ARAP2: variants seen among roughly 807,000 people sequenced by gnomAD.
The protein encoded by ARAP2 is arf-GAP with Rho-GAP domain, ANK repeat and PH domain-containing protein 2.
A neutral mutation model predicts 194.5 loss-of-function variants in ARAP2; 148 were observed. The ratio of observed to expected loss-of-function variants is 0.76; its 90% confidence interval spans 0.67 to 0.87. ARAP2 has a LOEUF of 0.87. ARAP2 is among the 40% of genes least tolerant of loss of function. The pLI is 0.00. For missense variants in ARAP2, 2,128 were observed against 1,989.7 expected (o/e 1.07, Z -1.32); for synonymous variants, 695 against 683.5 (o/e 1.02, Z -0.26).
At chr4:36,188,936 T>A (rs1162884676) in intron 7 of ARAP2, among the ~76,000 whole-genome samples, 1 of 152,214 alleles carries the variant, frequency 6.6e-6, no homozygotes, top group African/African-American at 2.4e-5. Context: ...CATGGCATTA[T>A]CTCTGAGTAT....
rs376836320 is a variant in ARAP2 at position 36,113,241 on chromosome 4, G to A, written c.4156+929C>T. ...TCTGTGCACGAGGAGGATTGAGACCGATTGAGGGAGACACTGTGAACTGAC... is the reference window on the plus strand; with the variant it reads ...TCTGTGCACGAGGAGGATTGAGACCAATTGAGGGAGACACTGTGAACTGAC... On this transcript the variant is annotated intron_variant, in intron 26 of 32. Coordinates refer to ENST00000303965, the MANE Select transcript of ARAP2 (RefSeq NM_015230.4). Among the ~76,000 whole-genome samples, 191 of 152,000 alleles carry A rather than the reference G, an allele frequency of 1.3e-3. 4 individuals are homozygous for A. In the South Asian group the frequency reaches 0.038, roughly 30 times the overall value.
intron 9 of ARAP2, among the ~76,000 whole-genome samples, chr4:36,174,174 A>G (rs1017403205): frequency 6.6e-6 from 1 of 152,226 alleles, no homozygotes; most frequent in East Asian, 1.9e-4. Context: ...ATCCAGAAAC[A>G]TGGTCACTAC....
In ARAP2 at chr4:36,166,944, T is replaced by A. The variant is rs929537856; in HGVS notation, c.1961A>T (p.Tyr654Phe). ...VKQSFEIITP[Y>F]RSFSFTAETE... ...AAAAATAGCTTACCTGAAACTCCTGTAGGGAGTGATTATTTCAAAAGATTG... is the reference window on the plus strand; with the variant it reads ...AAAAATAGCTTACCTGAAACTCCTGAAGGGAGTGATTATTTCAAAAGATTG... Residue 654 changes from tyrosine to phenylalanine, a missense_variant, in exon 10 of 33, where the codon TAC (tyrosine) becomes TTC (phenylalanine). By Grantham distance (22) the Tyr-to-Phe change is conservative. Coordinates refer to ENST00000303965, the MANE Select transcript of ARAP2 (RefSeq NM_015230.4). 5.6e-6 allele frequency: 9 copies of A among 1,594,326 alleles called. No individual in the cohort carries two copies. The highest frequency in any genetic ancestry group is 7.7e-6 in the Non-Finnish European group (9 of 1,170,558).
At chr4:36,172,755 G>A (rs1316101966) in intron 9 of ARAP2, among the ~76,000 whole-genome samples, 1 of 152,140 alleles carries the variant, frequency 6.6e-6, no homozygotes, top group African/African-American at 2.4e-5. Context: ...TCCATGCCAG[G>A]AATTTAAGAA....
At chr4:36,154,967 G>A (rs1731896784) in intron 15 of ARAP2, among the ~76,000 whole-genome samples, 1 of 152,208 alleles carries the variant, frequency 6.6e-6, no homozygotes, top group South Asian at 2.1e-4. Flanking sequence ...AAAATCAGAA[G>A]TTTTTCTGGA....
intron 1 of ARAP2, among the ~76,000 whole-genome samples, chr4:36,060,027 G>A (rs1270611409): frequency 6.6e-6 from 1 of 152,154 alleles, no homozygotes; most frequent in Non-Finnish European, 1.5e-5. Flanking sequence ...GGCAATAGTA[G>A]AGGGGAAGAT....
At chr4:36,165,963 T>C (rs1735196101) in intron 10 of ARAP2, among the ~76,000 whole-genome samples, 1 of 152,190 alleles carries the variant, frequency 6.6e-6, no homozygotes, top group African/African-American at 2.4e-5. Flanking sequence ...TTATACTTTT[T>C]GAAGCTCTTT....
intron 6 of ARAP2, among the ~76,000 whole-genome samples, chr4:36,016,407 C>A (rs746983155): frequency 1.3e-5 from 2 of 152,182 alleles, no homozygotes; most frequent in Non-Finnish European, 2.9e-5. Context: ...TAATATATAT[C>A]TAAAGCATTT....
At chr4:36,167,553 T>A (rs1457574853) in intron 9 of ARAP2, among the ~76,000 whole-genome samples, 1 of 152,190 alleles carries the variant, frequency 6.6e-6, no homozygotes, top group Non-Finnish European at 1.5e-5. Context: ...CTTGTTTTAC[T>A]ATCTTAGATT....
At chr4:36,017,293 T>C (rs1715997288) in intron 6 of ARAP2, among the ~76,000 whole-genome samples, 1 of 151,822 alleles carries the variant, frequency 6.6e-6, no homozygotes, top group Non-Finnish European at 1.5e-5. Flanking sequence ...GAGCCTCCTG[T>C]ATGCCAATCA....
intron 5 of ARAP2, among the ~76,000 whole-genome samples, chr4:36,042,106 G>A (rs1180443089): frequency 6.6e-6 from 1 of 152,122 alleles, no homozygotes; most frequent in East Asian, 1.9e-4. Flanking sequence ...GAAATAATAT[G>A]TATGACAAGC....
chr4:36,208,844 G>T (rs1746124376), intron 6 of ARAP2, among the ~76,000 whole-genome samples: 1 of 151,300 alleles, frequency 6.6e-6, no homozygotes, highest in Non-Finnish European at 1.5e-5. Context: ...GGGGTGGGGG[G>T]AGCTTTAGGA....
chr4:36,210,491 T>C lies in ARAP2; in HGVS notation c.1386A>G (p.Ser462=). 1.2e-6 allele frequency: 2 copies of C among 1,613,988 alleles called. No individual in the cohort carries two copies. Among genetic ancestry groups the C allele is most frequent in the Non-Finnish European group, 1.7e-6 (2 of 1,179,872 alleles). Residue 462 remains serine (S), a synonymous_variant, in exon 6 of 33, where the codon TCA becomes TCG. Transcript: ENST00000303965. ...PLSSTSGNAD[S]SAVSSQAISP... Reference sequence around the variant, plus strand: ...ATATTGCCTGTGAAGAAACGGCTGATGAATCAGCATTTCCACTTGTTGAGC... The same window carrying C: ...ATATTGCCTGTGAAGAAACGGCTGACGAATCAGCATTTCCACTTGTTGAGC...
intron 31 of ARAP2, among the ~76,000 whole-genome samples, chr4:36,079,146 C>A (rs1216971033): frequency 1.4e-5 from 2 of 140,188 alleles, no homozygotes; most frequent in East Asian, 4.1e-4. Flanking sequence ...TGCACTCCAG[C>A]CTGGGCAACA....
rs1212679768 is a variant in ARAP2 at position 36,075,327 on chromosome 4, TAA to T, written c.4609-1506_4609-1505del. Among the ~76,000 whole-genome samples the T allele has an allele frequency of 6.6e-5, 10 of 152,272 alleles. No homozygotes were observed. In the East Asian group the frequency reaches 1.9e-3, roughly 29 times the overall value. ...CCAGCTAACTCTCCTTGAATTGAAC[TAA>T]GAGGCATTTTTTTCTACTTTACATC... is the stretch of plus-strand genomic sequence containing the variant. On this transcript the variant is annotated intron_variant, in intron 31 of 32. Transcript: ENST00000303965.
intron 21 of ARAP2, among the ~76,000 whole-genome samples, chr4:36,125,459 A>G (rs1456203469): frequency 6.6e-6 from 1 of 152,010 alleles, no homozygotes; most frequent in African/African-American, 2.4e-5. Context: ...ACTATCCTGG[A>G]ACTATGAACT....
intron 3 of ARAP2, among the ~76,000 whole-genome samples, chr4:36,047,456 T>C (rs916989475): frequency 6.6e-6 from 1 of 152,236 alleles, no homozygotes; most frequent in African/African-American, 2.4e-5. Flanking sequence ...TCTAATTATC[T>C]GGTCTTTTCA....
intron 24 of ARAP2, among the ~76,000 whole-genome samples, chr4:36,118,057 T>C (rs1721789211): frequency 6.6e-6 from 1 of 151,242 alleles, no homozygotes; most frequent in Non-Finnish European, 1.5e-5. Flanking sequence ...ATCTAATGAG[T>C]AAACTTGTGG....
At chr4:36,198,263 G>A (rs1743580059) in intron 6 of ARAP2, among the ~76,000 whole-genome samples, 1 of 152,188 alleles carries the variant, frequency 6.6e-6, no homozygotes. Context: ...CCTGATGTCT[G>A]CGCAGCTCTG....
Sources: gnomAD v4.1 joint callset for allele counts (sites outside exome capture counted in the v4.1 genomes callset) on GRCh38, gnomAD v4.1.1 for gene constraint, MANE v1.5 for transcripts, NCBI Gene and HGNC (gene_info 2026-07-23, HGNC 2026-07-21) for gene names.